The following VPS13B variants were observed in gnomAD, a reference collection of about 807,000 sequenced individuals.
The protein encoded by VPS13B is vacuolar protein sorting 13 homolog B.
A neutral mutation model predicts 426.4 loss-of-function variants in VPS13B; 285 were observed. The ratio of observed to expected loss-of-function variants is 0.67; its 90% CI spans 0.61 to 0.74. The LOEUF (loss-of-function observed/expected upper bound fraction) is 0.74. Ranked by LOEUF, VPS13B falls within the 30% of genes least tolerant of loss-of-function variation. The pLI, the probability that VPS13B is intolerant of heterozygous loss-of-function variation, is 0.00. For synonymous variants in VPS13B, 1,676 were observed against 1,676.4 expected, an observed-to-expected ratio of 1.00 and a Z score of 0.01; for missense variants, 4,537 against 4,782.6, an observed-to-expected ratio of 0.95 and a Z score of 1.51.
chr8:99,860,797 G>A (rs925721830), intron 57 of VPS13B, among the ~76,000 whole-genome samples: 1 of 152,216 alleles, frequency 6.6e-6, no homozygotes, highest in Admixed American at 6.5e-5. Context: ...TGTGGCTATT[G>A]TGAGCAAATG....
intron 49 of VPS13B, among the ~76,000 whole-genome samples, chr8:99,820,854 T>C (rs1814318293): frequency 6.6e-6 from 1 of 152,042 alleles, no homozygotes; most frequent in Admixed American, 6.6e-5. Flanking sequence ...GCATTTTTTC[T>C]TTTTTCTGTA....
intron 54 of VPS13B, among the ~76,000 whole-genome samples, chr8:99,845,815 T>C (rs1485235521): frequency 6.6e-6 from 1 of 152,186 alleles, no homozygotes. Flanking sequence ...TTTTCCCGAC[T>C]TCTCAATAGA....
At chr8:99,838,279 A>G (rs1387421910) in intron 54 of VPS13B, among the ~76,000 whole-genome samples, 1 of 152,198 alleles carries the variant, frequency 6.6e-6, no homozygotes, top group Non-Finnish European at 1.5e-5. Flanking sequence ...CTTTAGGACA[A>G]AAACAGTCTT....
At chr8:99,605,454 C>T (rs947108593) in intron 33 of VPS13B, among the ~76,000 whole-genome samples, 2 of 152,044 alleles carry the variant, frequency 1.3e-5, no homozygotes, top group Admixed American at 1.3e-4. Context: ...CTATAGATAA[C>T]TCTAATCCTA....
chr8:99,536,621 T>G (rs1412841576), intron 30 of VPS13B: 2 of 533,990 alleles, frequency 3.7e-6, no homozygotes, highest in South Asian at 1.4e-5. Context: ...CCATTATCCT[T>G]TAACTGAATT....
chr8:99,314,885 C>G (rs1218005247), intron 19 of VPS13B, among the ~76,000 whole-genome samples: 2 of 152,172 alleles, frequency 1.3e-5, no homozygotes, highest in Non-Finnish European at 2.9e-5. Context: ...TTATGACCTT[C>G]TTTGTGTCTT....
At chr8:99,841,858 G>C (rs1815701926) in intron 54 of VPS13B, among the ~76,000 whole-genome samples, 1 of 152,082 alleles carries the variant, frequency 6.6e-6, no homozygotes, top group Non-Finnish European at 1.5e-5. Flanking sequence ...TCTCTCCATT[G>C]TCAGCCTCTC....
At chr8:99,324,846 C>G (rs1044751490) in intron 19 of VPS13B, among the ~76,000 whole-genome samples, 7 of 152,024 alleles carry the variant, frequency 4.6e-5, no homozygotes, top group Middle Eastern at 3.2e-3. Context: ...TAGATTACAT[C>G]TAGTTACAAA....
At chr8:99,057,731 G>A (rs141881684) in intron 3 of VPS13B, among the ~76,000 whole-genome samples, 8 of 152,134 alleles carry the variant, frequency 5.3e-5, no homozygotes, top group African/African-American at 1.7e-4. Context: ...TCCTCTTTAT[G>A]TATTTTCTGT....
intron 35 of VPS13B, among the ~76,000 whole-genome samples, chr8:99,694,934 A>G (rs1010871799): frequency 1.3e-5 from 2 of 151,974 alleles, no homozygotes; most frequent in Non-Finnish European, 2.9e-5. Flanking sequence ...GCAGCCAAAA[A>G]ACACATGAAA....
In VPS13B at chr8:99,111,121, G is replaced by C; in HGVS notation, c.604G>C (p.Val202Leu). Reference protein sequence around the residue: ...ISATDLVLRKVINFSDCTVCL... With the variant: ...ISATDLVLRKLINFSDCTVCL... ...AGCAACTGATTTGGTGCTGAGAAAG[G>C]TTATCAATTTTTCTGACTGTACAGT... Residue 202 changes from valine (V) to leucine (L), a missense_variant, in exon 6 of 62, where the codon GTT becomes CTT. This residue lies in a region of VPS13B where 226 missense variants were observed against 308.3 expected (regional missense o/e 0.73). Coordinates refer to ENST00000357162, the MANE Select transcript of VPS13B (RefSeq NM_152564.5). 6.2e-7 allele frequency: 1 copy of C among 1,603,512 alleles called. No homozygotes were observed. Among genetic ancestry groups the C allele is most frequent in the Non-Finnish European group, 8.5e-7 (1 of 1,174,734 alleles).
chr8:99,550,423 C>T (rs1470820145), intron 30 of VPS13B, among the ~76,000 whole-genome samples: 1 of 150,426 alleles, frequency 6.6e-6, no homozygotes, highest in East Asian at 1.9e-4. Context: ...CACAGTAAGC[C>T]GTAAAATCTT....
intron 36 of VPS13B, among the ~76,000 whole-genome samples, chr8:99,712,429 C>G (rs1437147289): frequency 6.6e-6 from 1 of 152,166 alleles, no homozygotes; most frequent in Non-Finnish European, 1.5e-5. Flanking sequence ...CAGAGAATAT[C>G]AAACATAAAG....
intron 43 of VPS13B, among the ~76,000 whole-genome samples, chr8:99,803,487 T>C (rs1460303352): frequency 2.0e-5 from 3 of 152,188 alleles, no homozygotes; most frequent in African/African-American, 7.2e-5. Context: ...ACAAACTACA[T>C]CAAAGGGTCC....
intron 58 of VPS13B, among the ~76,000 whole-genome samples, chr8:99,865,491 G>A (rs778658454): frequency 9.9e-5 from 15 of 152,194 alleles, no homozygotes; most frequent in African/African-American, 3.4e-4. Flanking sequence ...ACAGGCCTCC[G>A]CCAGGTGAAA....
At chr8:99,654,309 A>G (rs1829940927) in intron 34 of VPS13B, among the ~76,000 whole-genome samples, 1 of 151,972 alleles carries the variant, frequency 6.6e-6, no homozygotes, top group South Asian at 2.1e-4. Flanking sequence ...CGGCCTTCCA[A>G]AGTGCTGGGA....
At chr8:99,175,422 C>T (rs1031413470) in intron 16 of VPS13B, among the ~76,000 whole-genome samples, 5 of 152,256 alleles carry the variant, frequency 3.3e-5, no homozygotes, top group Non-Finnish European at 5.9e-5. Context: ...TGAATGCATA[C>T]AATTTATGTG....
intron 8 of VPS13B, among the ~76,000 whole-genome samples, chr8:99,127,193 A>G (rs1175667635): frequency 6.6e-6 from 1 of 151,756 alleles, no homozygotes; most frequent in Non-Finnish European, 1.5e-5. Flanking sequence ...CTTCTGTATG[A>G]CCTTTAAATG....
chr8:99,864,790 G>A (rs776280419), intron 58 of VPS13B, among the ~76,000 whole-genome samples: 24 of 152,090 alleles, frequency 1.6e-4, no homozygotes, highest in Non-Finnish European at 2.6e-4. Context: ...GAGGTAAAGC[G>A]ACTTAGCCAG....
Sources: allele counts gnomAD v4.1 joint callset (sites outside exome capture counted in the v4.1 genomes callset), GRCh38; gene constraint gnomAD v4.1.1; regional missense constraint gnomAD v4.1.1; transcripts MANE v1.5; gene names NCBI Gene and HGNC (gene_info 2026-07-23, HGNC 2026-07-21).